NT5DC1: variants seen among roughly 807,000 people sequenced by gnomAD.
NT5DC1 encodes the protein 5'-nucleotidase domain containing 1, also known as 5'-nucleotidase domain-containing protein 1.
In NT5DC1, 42 loss-of-function variants were observed where a neutral mutation model predicts 59.4. The ratio of observed to expected loss-of-function variants is 0.71; its 90% CI spans 0.55 to 0.92. The LOEUF is 0.92. NT5DC1 is among the 40% of genes least tolerant of loss of function. NT5DC1 has a pLI of 0.00. For synonymous variants in NT5DC1, 172 were observed against 188.1 expected (o/e 0.91, Z 0.70); for missense variants, 501 against 537.1 (o/e 0.93, Z 0.66).
chr6:116,237,108 C>A, intron 9 of NT5DC1, 24 bp downstream of exon 9: 1 of 1,298,250 alleles, frequency 7.7e-7, no homozygotes, highest in Non-Finnish European at 1.1e-6. Context: ...GAGGAGAAGT[C>A]CTCAGTGCCC....
chr6:116,117,152 A>G (rs1412600861), intron 5 of NT5DC1, among the ~76,000 whole-genome samples: 3 of 152,206 alleles, frequency 2.0e-5, no homozygotes, highest in African/African-American at 4.8e-5. Context: ...TTGATGCCAT[A>G]GTATGTTATA....
In NT5DC1 at chr6:116,245,323, A is replaced by G. The variant is rs1562180248; in HGVS notation, c.*1299A>G. On this transcript the variant is annotated 3_prime_UTR_variant, in exon 12 of 12. Transcript: ENST00000319550. The stretch of plus-strand genomic sequence containing the variant: ...TTTCACTATCTGGTTTACAAACACT[A>G]TCATTATTTTACCTGGATTGAAGTG... 1 of 152,550 alleles carries G rather than the reference A, an allele frequency of 6.6e-6. No individual in the cohort carries two copies. Among genetic ancestry groups the G allele is most frequent in the Non-Finnish European group, 1.5e-5 (1 of 68,018 alleles). 9.4% of individuals were successfully genotyped at this position (152,550 alleles called of 1,614,324 possible). A position where few individuals can be genotyped will look rare whatever the true frequency, so the allele number is the denominator to read the frequency against.
At chr6:116,136,769 C>T (rs1408929784) in intron 6 of NT5DC1, among the ~76,000 whole-genome samples, 1 of 152,116 alleles carries the variant, frequency 6.6e-6, no homozygotes, top group Non-Finnish European at 1.5e-5. Flanking sequence ...TATTCTTGGC[C>T]TTAGTTCCAA....
At chr6:116,231,471 C>G (rs1782020009) in intron 8 of NT5DC1, among the ~76,000 whole-genome samples, 1 of 152,162 alleles carries the variant, frequency 6.6e-6, no homozygotes, top group South Asian at 2.1e-4. Context: ...TAACCTCTAA[C>G]AAGTCAGAGA....
intron 11 of NT5DC1, among the ~76,000 whole-genome samples, chr6:116,239,355 G>A (rs1782181701): frequency 6.6e-6 from 1 of 152,058 alleles, no homozygotes; most frequent in Admixed American, 6.6e-5. Flanking sequence ...ATAAAATTAG[G>A]GAAAGAGTTA....
chr6:116,184,912 G>T (rs1260220940), intron 6 of NT5DC1, among the ~76,000 whole-genome samples: 1 of 151,680 alleles, frequency 6.6e-6, no homozygotes, highest in Non-Finnish European at 1.5e-5. Context: ...CTTTTCTTCT[G>T]CTGGGTTTGG....
intron 6 of NT5DC1, among the ~76,000 whole-genome samples, chr6:116,147,270 C>T (rs1044134835): frequency 7.9e-5 from 12 of 151,482 alleles, no homozygotes; most frequent in Non-Finnish European, 1.6e-4. Flanking sequence ...GGTGAAATCC[C>T]GACTCTACTA....
In NT5DC1 at chr6:116,167,403, A is replaced by G. The variant is rs187568229; in HGVS notation, c.529+49458A>G. On this transcript the variant is annotated intron_variant, in intron 6 of 11. Transcript: ENST00000319550. ...AATTTTTTGTATTTTTAGTAGATAC[A>G]GTGTTTCACCGTGTTAGCCAGGATG... is the stretch of plus-strand genomic sequence containing the variant. 7.1e-3 allele frequency among the ~76,000 whole-genome samples: 1,082 copies of G among 151,892 alleles called. 7 individuals carry two copies. The highest frequency in any genetic ancestry group is 0.013 in the Non-Finnish European group (858 of 67,886).
intron 4 of NT5DC1, among the ~76,000 whole-genome samples, chr6:116,114,132 C>T (rs1778924365): frequency 6.6e-6 from 1 of 152,108 alleles, no homozygotes; most frequent in South Asian, 2.1e-4. Flanking sequence ...AGAGGTTCCC[C>T]TAACAATTCA....
At chr6:116,101,114 T>G in intron 1 of NT5DC1, 91 bp downstream of exon 1, 1 of 921,650 alleles carries the variant, frequency 1.1e-6, no homozygotes, top group Non-Finnish European at 1.6e-6. Context: ...CGGCGGACGC[T>G]GCCCGGGGCC....
chr6:116,107,733 C>T (rs967473807), intron 2 of NT5DC1, among the ~76,000 whole-genome samples: 26 of 151,882 alleles, frequency 1.7e-4, no homozygotes, highest in African/African-American at 4.8e-4. Flanking sequence ...CCACTACGCC[C>T]GGCTAATTTT....
chr6:116,190,554 C>G (rs1781095410), intron 6 of NT5DC1, among the ~76,000 whole-genome samples: 1 of 151,912 alleles, frequency 6.6e-6, no homozygotes. Context: ...CTTTTTTACA[C>G]AGCTAAAATT....
At chr6:116,236,218 C>T (rs1388883351) in intron 8 of NT5DC1, among the ~76,000 whole-genome samples, 1 of 152,206 alleles carries the variant, frequency 6.6e-6, no homozygotes, top group Non-Finnish European at 1.5e-5. Flanking sequence ...CTACCAAAGT[C>T]TCTGCTGATA....
chr6:116,173,556 G>A (rs1383395103), intron 6 of NT5DC1, among the ~76,000 whole-genome samples: 2 of 152,100 alleles, frequency 1.3e-5, no homozygotes, highest in Admixed American at 6.5e-5. Flanking sequence ...CTAAAGCTGA[G>A]CGAGGGCGAG....
At chr6:116,145,228 A>G (rs999698273) in intron 6 of NT5DC1, among the ~76,000 whole-genome samples, 1 of 152,160 alleles carries the variant, frequency 6.6e-6, no homozygotes, top group African/African-American at 2.4e-5. Context: ...GCTAACTATT[A>G]AATGTCCCCA....
At position 116,120,133 on chromosome 6, in the gene NT5DC1, G is replaced by C. The variant is rs138565700; in HGVS notation, c.529+2188G>C. 6.2e-7 allele frequency: 1 copy of C among 1,614,108 alleles called. No homozygotes were observed. The highest frequency in any genetic ancestry group is 8.5e-7 in the Non-Finnish European group (1 of 1,180,018). On this transcript the variant is annotated intron_variant, in intron 6 of 11. Transcript: ENST00000319550. ...AGTGGACATACTCAGAGGAGTATAG[G>C]CCATTTGACTCGGCATTGGGAAGCT...
At chr6:116,202,626 CAG>C (rs1781371776) in intron 6 of NT5DC1, among the ~76,000 whole-genome samples, 1 of 151,892 alleles carries the variant, frequency 6.6e-6, no homozygotes, top group African/African-American at 2.4e-5. Flanking sequence ...GTGGTATTTA[CAG>C]AGTCATATGA....
At chr6:116,188,522 A>T (rs1781050289) in intron 6 of NT5DC1, among the ~76,000 whole-genome samples, 1 of 151,954 alleles carries the variant, frequency 6.6e-6, no homozygotes, top group South Asian at 2.1e-4. Flanking sequence ...GAGAGAGAAA[A>T]AGCCAGTAAT....
chr6:116,200,241 A>C (rs1781320779), intron 6 of NT5DC1, among the ~76,000 whole-genome samples: 1 of 152,076 alleles, frequency 6.6e-6, no homozygotes, highest in African/African-American at 2.4e-5. Context: ...AAAACTGTCA[A>C]AGTTACCAAA....
Sources: gnomAD v4.1 joint callset for allele counts (sites outside exome capture counted in the v4.1 genomes callset) on GRCh38, gnomAD v4.1.1 for gene constraint, MANE v1.5 for transcripts, NCBI Gene and HGNC (gene_info 2026-07-23, HGNC 2026-07-21) for gene names.